Variants in HS6ST2 observed in about 807,000 individuals in gnomAD.
HS6ST2 encodes the protein heparan sulfate 6-O-sulfotransferase 2.
Under a neutral mutation model 33.0 loss-of-function variants are expected in HS6ST2, and 17 were observed. That is an observed-to-expected ratio of 0.52 (90% CI 0.35 to 0.77). The LOEUF is 0.77. Ranked by LOEUF, HS6ST2 falls within the 30% of genes least tolerant of loss-of-function variation. HS6ST2 has a pLI of 0.01. For synonymous variants in HS6ST2, 248 were observed against 237.1 expected, an observed-to-expected ratio of 1.05 and a Z score of -0.42; for missense variants, 519 against 551.7, an observed-to-expected ratio of 0.94 and a Z score of 0.59.
intron 2 of HS6ST2, among the ~76,000 whole-genome samples, chrX:132,731,322 A>G (rs1310715039): frequency 1.8e-5 from 2 of 111,389 alleles, no homozygotes; most frequent in African/African-American, 6.5e-5. Flanking sequence ...CTTTTCTTCC[A>G]ATGTAATCAC....
At chrX:132,681,368 C>CA (rs928914789) in intron 3 of HS6ST2, among the ~76,000 whole-genome samples, 10 of 111,982 alleles carry the variant, frequency 8.9e-5, no homozygotes, top group African/African-American at 2.9e-4. Context: ...CCCAAAGAAA[C>CA]AAAAAATCCA....
intron 2 of HS6ST2, among the ~76,000 whole-genome samples, chrX:132,868,950 T>C (rs1349387139): frequency 7.5e-5 from 8 of 107,016 alleles, no homozygotes; most frequent in African/African-American, 1.7e-4. Flanking sequence ...CTGAAGGAGA[T>C]AGAGAGACGA....
At chrX:132,646,656 G>A (rs747225784) in intron 4 of HS6ST2, among the ~76,000 whole-genome samples, 5 of 111,177 alleles carry the variant, frequency 4.5e-5, no homozygotes, top group African/African-American at 1.3e-4. Context: ...TTGGAACACC[G>A]TGCAACGTAA....
intron 2 of HS6ST2, among the ~76,000 whole-genome samples, chrX:132,756,377 C>T (rs1247554932): frequency 3.6e-5 from 4 of 111,532 alleles, no homozygotes; most frequent in African/African-American, 9.8e-5. Context: ...CTTCCACCAA[C>T]TCAACAAGAT....
intron 2 of HS6ST2, among the ~76,000 whole-genome samples, chrX:132,904,533 TTGTGTGTGTGTG>T (rs58820779): frequency 1.1e-5 from 1 of 94,533 alleles, no homozygotes; most frequent in East Asian, 3.2e-4. Flanking sequence ...TTTTTTCTCT[TTGTGTGTGTGTG>T]TGTGTGTGTG....
chrX:132,942,794 A>C (rs2066900915), intron 2 of HS6ST2, among the ~76,000 whole-genome samples: 1 of 112,222 alleles, frequency 8.9e-6, no homozygotes, highest in Non-Finnish European at 1.9e-5. Flanking sequence ...ACAATTGGTC[A>C]AAGCAATGCA....
intron 3 of HS6ST2, among the ~76,000 whole-genome samples, chrX:132,704,035 C>T (rs1293987911): frequency 9.0e-6 from 1 of 111,591 alleles, no homozygotes; most frequent in African/African-American, 3.3e-5. Flanking sequence ...TAAATATCTG[C>T]AGAATGAATG....
At chrX:132,942,671 G>A (rs2066899401) in intron 2 of HS6ST2, among the ~76,000 whole-genome samples, 1 of 111,979 alleles carries the variant, frequency 8.9e-6, no homozygotes, top group Admixed American at 9.5e-5. Flanking sequence ...TGGCTCCTCT[G>A]TTCCCAGATT....
intron 2 of HS6ST2, among the ~76,000 whole-genome samples, chrX:132,743,028 G>A (rs1344939234): frequency 8.9e-6 from 1 of 111,755 alleles, no homozygotes; most frequent in African/African-American, 3.3e-5. Context: ...GAGCAATGAG[G>A]GAGATGGTGG....
chrX:132,725,432 A>T (rs2064382549), intron 2 of HS6ST2, among the ~76,000 whole-genome samples: 1 of 111,959 alleles, frequency 8.9e-6, no homozygotes, highest in South Asian at 3.7e-4. Context: ...AACATCACTG[A>T]TTATCAGAGA....
chrX:132,889,710 G>A (rs1280940548), intron 2 of HS6ST2, among the ~76,000 whole-genome samples: 1 of 111,299 alleles, frequency 9.0e-6, no homozygotes, highest in Non-Finnish European at 1.9e-5. Flanking sequence ...GAGGCAATGT[G>A]GAAGTAAGTA....
chrX:132,728,705 C>T (rs1293850603), intron 2 of HS6ST2, among the ~76,000 whole-genome samples: 1 of 112,114 alleles, frequency 8.9e-6, no homozygotes, highest in East Asian at 2.8e-4. Flanking sequence ...AAGAAGAGCA[C>T]GGCCTTCTTT....
intron 2 of HS6ST2, among the ~76,000 whole-genome samples, chrX:132,732,604 A>T (rs2064471016): frequency 9.0e-6 from 1 of 111,067 alleles, no homozygotes; most frequent in Admixed American, 9.6e-5. Context: ...AAGTCTCACT[A>T]GATTTGATGG....
intron 2 of HS6ST2, among the ~76,000 whole-genome samples, chrX:132,810,715 T>G (rs983364970): frequency 8.9e-6 from 1 of 111,897 alleles, no homozygotes; most frequent in Admixed American, 9.5e-5. Flanking sequence ...TCTTGTTCCC[T>G]CATATTATTG....
chrX:132,957,881 G>T (rs2067102533), intron 1 of HS6ST2, among the ~76,000 whole-genome samples: 1 of 112,287 alleles, frequency 8.9e-6, no homozygotes, highest in Admixed American at 9.3e-5. Context: ...CACCCGGTAG[G>T]CGGCCTCGAG....
intron 2 of HS6ST2, among the ~76,000 whole-genome samples, chrX:132,741,445 C>A (rs1281117809): frequency 1.7e-5 from 1 of 57,503 alleles, no homozygotes; most frequent in Non-Finnish European, 3.4e-5. Flanking sequence ...CCATGCCTGG[C>A]TAACTTGTGT....
chrX:132,769,437 G>T (rs1014293525), intron 2 of HS6ST2, among the ~76,000 whole-genome samples: 1 of 111,966 alleles, frequency 8.9e-6, no homozygotes, highest in East Asian at 2.8e-4. Context: ...ACACATCACC[G>T]AAATAGACCA....
intron 2 of HS6ST2, among the ~76,000 whole-genome samples, chrX:132,830,308 A>C (rs1207558829): frequency 8.9e-6 from 1 of 112,092 alleles, no homozygotes; most frequent in Non-Finnish European, 1.9e-5. Flanking sequence ...ACGCAAACCT[A>C]AAGGGGCCTT....
intron 2 of HS6ST2, among the ~76,000 whole-genome samples, chrX:132,867,721 C>T (rs1041196270): frequency 8.9e-6 from 1 of 111,753 alleles, no homozygotes; most frequent in Non-Finnish European, 1.9e-5. Flanking sequence ...AAATCCTTTA[C>T]AGACGAGCAA....
Sources: allele counts gnomAD v4.1 joint callset (sites outside exome capture counted in the v4.1 genomes callset), GRCh38; gene constraint gnomAD v4.1.1; transcripts MANE v1.5; gene names NCBI Gene and HGNC (gene_info 2026-07-23, HGNC 2026-07-21).